CSMD1: variants seen among roughly 807,000 people sequenced by gnomAD.
CSMD1 encodes the protein CUB and sushi domain-containing protein 1.
In CSMD1, 213 loss-of-function variants were observed where a neutral mutation model predicts 417.5. The ratio of observed to expected loss-of-function variants is 0.51; its 90% CI spans 0.46 to 0.57. CSMD1 has a LOEUF of 0.57. Ranked by LOEUF, CSMD1 falls within the 20% of genes least tolerant of loss-of-function variation. The pLI is 0.00. For missense variants in CSMD1, 6,923 were observed against 4,529.7 expected, an observed-to-expected ratio of 1.53 and a Z score of -15.17; for synonymous variants, 2,862 against 1,736.8, an observed-to-expected ratio of 1.65 and a Z score of -16.11.
chr8:4,875,904 AAG>A (rs1258302155), intron 1 of CSMD1, among the ~76,000 whole-genome samples: 3 of 152,114 alleles, frequency 2.0e-5, no homozygotes, highest in Non-Finnish European at 2.9e-5. Flanking sequence ...AATTACTCAA[AAG>A]AGTCTTTAAT....
chr8:3,464,255 T>C (rs995598263), intron 12 of CSMD1, among the ~76,000 whole-genome samples: 3 of 152,250 alleles, frequency 2.0e-5, no homozygotes, highest in South Asian at 2.1e-4. Flanking sequence ...CACTTTACTA[T>C]AGACAGAGAA....
At chr8:3,825,366 G>C (rs6984586) in intron 5 of CSMD1, among the ~76,000 whole-genome samples, 123,285 of 152,132 alleles carry the variant, frequency 0.81, 50,220 homozygotes, top group African/African-American at 0.89. Context: ...CTTGTCTGTA[G>C]TAAAAATACA....
At chr8:2,974,024 A>ATGGTAGAGGATGG (rs1270183956) in intron 56 of CSMD1, among the ~76,000 whole-genome samples, 26 of 32,108 alleles carry the variant, frequency 8.1e-4, no homozygotes, top group African/African-American at 1.4e-3. Context: ...GTAGAGGATG[A>ATGGTAGAGGATGG]TGGTAGAGGA....
intron 7 of CSMD1, among the ~76,000 whole-genome samples, chr8:3,638,691 G>C (rs556277560): frequency 1.3e-5 from 2 of 152,056 alleles, no homozygotes; most frequent in African/African-American, 4.8e-5. Flanking sequence ...CCAGAAAGTC[G>C]ACACATGGGC....
intron 15 of CSMD1, among the ~76,000 whole-genome samples, chr8:3,404,816 C>T (rs531112109): frequency 1.8e-4 from 27 of 152,098 alleles, no homozygotes; most frequent in Middle Eastern, 3.4e-3. Context: ...ACACCTGAGA[C>T]GCTTTGAGCT....
chr8:4,517,655 G>A (rs1803198850), intron 2 of CSMD1, among the ~76,000 whole-genome samples: 2 of 152,130 alleles, frequency 1.3e-5, no homozygotes, highest in Admixed American at 6.5e-5. Context: ...TATTCAAACT[G>A]AATAAATGGG....
intron 5 of CSMD1, among the ~76,000 whole-genome samples, chr8:3,953,314 TTA>T: frequency 6.6e-6 from 1 of 152,274 alleles, no homozygotes; most frequent in Admixed American, 6.5e-5. Flanking sequence ...AAATAAAAGA[TTA>T]TTTAGCATAT....
At chr8:3,773,850 A>C (rs1234349785) in intron 5 of CSMD1, among the ~76,000 whole-genome samples, 2 of 152,128 alleles carry the variant, frequency 1.3e-5, no homozygotes, top group Non-Finnish European at 2.9e-5. Flanking sequence ...CCCACATTGT[A>C]TTTATTTTGA....
At chr8:4,487,846 T>C (rs1801495131) in intron 2 of CSMD1, among the ~76,000 whole-genome samples, 2 of 152,248 alleles carry the variant, frequency 1.3e-5, no homozygotes, top group Non-Finnish European at 2.9e-5. Context: ...CATGTCTTTA[T>C]TTCCATTTAT....
intron 3 of CSMD1, among the ~76,000 whole-genome samples, chr8:4,372,185 T>C (rs775922711): frequency 4.6e-5 from 7 of 152,222 alleles, no homozygotes; most frequent in Non-Finnish European, 8.8e-5. Context: ...GATATTTTTT[T>C]GTCAGTATTA....
At chr8:4,940,134 G>A (rs1167518369) in intron 1 of CSMD1, among the ~76,000 whole-genome samples, 1 of 152,134 alleles carries the variant, frequency 6.6e-6, no homozygotes, top group Admixed American at 6.5e-5. Context: ...CCCCCTGTGA[G>A]AGCAGGGAGG....
intron 4 of CSMD1, among the ~76,000 whole-genome samples, chr8:4,000,543 G>C (rs2258903): frequency 0.39 from 58,542 of 152,018 alleles, 11,274 homozygotes; most frequent in South Asian, 0.46. Context: ...GGTGAATCAG[G>C]TTAACAACTA....
At chr8:4,842,386 C>G (rs982524031) in intron 1 of CSMD1, among the ~76,000 whole-genome samples, 1 of 152,046 alleles carries the variant, frequency 6.6e-6, no homozygotes, top group Non-Finnish European at 1.5e-5. Context: ...ATTTTTATTC[C>G]CCTTTTGCAA....
intron 7 of CSMD1, among the ~76,000 whole-genome samples, chr8:3,665,714 T>G (rs879289049): frequency 1.3e-5 from 2 of 152,000 alleles, no homozygotes; most frequent in Non-Finnish European, 2.9e-5. Flanking sequence ...GCTACATATC[T>G]TATCTCAAAT....
intron 1 of CSMD1, among the ~76,000 whole-genome samples, chr8:4,887,746 C>T (rs979994904): frequency 4.0e-5 from 6 of 151,476 alleles, no homozygotes; most frequent in African/African-American, 1.2e-4. Flanking sequence ...TTATATTTTC[C>T]TGATGAGTTG....
chr8:4,144,659 C>G (rs1011606045), intron 3 of CSMD1, among the ~76,000 whole-genome samples: 1 of 151,026 alleles, frequency 6.6e-6, no homozygotes, highest in African/African-American at 2.5e-5. Context: ...AGATAATCAG[C>G]AGGACCTCTA....
rs539048859 is a variant in CSMD1 at position 3,299,083 on chromosome 8, C to T, written c.3950+8612G>A. Among the ~76,000 whole-genome samples the T allele has an allele frequency of 7.2e-5, 11 of 152,190 alleles. No homozygotes were observed. In the East Asian group the frequency reaches 2.1e-3, roughly 29 times the overall value. On this transcript the variant is annotated intron_variant, in intron 25 of 69. Coordinates refer to ENST00000635120, the MANE Select transcript of CSMD1 (RefSeq NM_033225.6). ...AACTTAAATGTAGGTAAGTGTCAGTCATTTTTTATTCAAATGTAAAATTGT... is the reference window on the plus strand; with the variant it reads ...AACTTAAATGTAGGTAAGTGTCAGTTATTTTTTATTCAAATGTAAAATTGT...
intron 7 of CSMD1, among the ~76,000 whole-genome samples, chr8:3,622,487 C>A (rs1481962944): frequency 6.6e-6 from 1 of 152,122 alleles, no homozygotes; most frequent in Non-Finnish European, 1.5e-5. Context: ...AAAGAAATGG[C>A]AGAAATTGGA....
intron 5 of CSMD1, among the ~76,000 whole-genome samples, chr8:3,882,920 T>C (rs1035499050): frequency 6.6e-6 from 1 of 152,174 alleles, no homozygotes; most frequent in African/African-American, 2.4e-5. Context: ...GGAGTAATGT[T>C]CTGCATCTTG....
Sources: allele counts gnomAD v4.1 joint callset (sites outside exome capture counted in the v4.1 genomes callset), GRCh38; gene constraint gnomAD v4.1.1; transcripts MANE v1.5; gene names NCBI Gene and HGNC (gene_info 2026-07-23, HGNC 2026-07-21).